Variants in PRKG1 observed in about 807,000 individuals in gnomAD.
PRKG1 encodes cGMP-dependent protein kinase 1.
PRKG1 carries 35 observed loss-of-function variants against 88.1 expected under a neutral mutation model. That is an observed-to-expected ratio of 0.40 (90% CI 0.30 to 0.53). The LOEUF (loss-of-function observed/expected upper bound fraction) is 0.53. Among genes scored for constraint, PRKG1 ranks in the 20% least tolerant of loss-of-function variants. The pLI is 0.59. For missense variants in PRKG1, 540 were observed against 839.8 expected (o/e 0.64, Z 4.41); for synonymous variants, 303 against 292.5 (o/e 1.04, Z -0.37).
At chr10:52,007,023 AC>A (rs1293191835) in intron 5 of PRKG1, among the ~76,000 whole-genome samples, 2 of 152,192 alleles carry the variant, frequency 1.3e-5, no homozygotes, top group Non-Finnish European at 2.9e-5. Flanking sequence ...GTCCAACCAA[AC>A]TAAACTTCAT....
chr10:51,307,844 A>G (rs992046250), intron 2 of PRKG1, among the ~76,000 whole-genome samples: 2 of 152,174 alleles, frequency 1.3e-5, no homozygotes, highest in Admixed American at 1.3e-4. Flanking sequence ...TTAAGAGCAG[A>G]TTAATATAGC....
chr10:52,176,690 C>T (rs750579831), intron 9 of PRKG1, among the ~76,000 whole-genome samples: 1 of 152,028 alleles, frequency 6.6e-6, no homozygotes, highest in African/African-American at 2.4e-5. Flanking sequence ...CAGTTTTTTT[C>T]ATCAGTGCTT....
At chr10:52,195,490 C>T (rs1160555628) in intron 9 of PRKG1, among the ~76,000 whole-genome samples, 2 of 152,108 alleles carry the variant, frequency 1.3e-5, no homozygotes, top group Non-Finnish European at 2.9e-5. Flanking sequence ...GTCTAAACTT[C>T]TTGATCTTCT....
chr10:51,572,383 G>A lies in PRKG1; in HGVS notation c.592+104547G>A, dbSNP rs547513293. ...AGTGGCTTTTGATATTTTACAAGGT[G>A]CACTGTATAAATTTAATACCACCCA... On this transcript the variant is annotated intron_variant, in intron 3 of 17. Coordinates refer to ENST00000373980, the MANE Select transcript of PRKG1 (RefSeq NM_006258.4). Among the ~76,000 whole-genome samples, 5 of 151,792 alleles carry A rather than the reference G, an allele frequency of 3.3e-5. No individual in the cohort carries two copies. In the Admixed American group the frequency reaches 3.3e-4, roughly 10 times the overall value.
At chr10:52,204,108 T>TTTG (rs68132337) in intron 9 of PRKG1, among the ~76,000 whole-genome samples, 1 of 149,176 alleles carries the variant, frequency 6.7e-6, no homozygotes, top group African/African-American at 2.5e-5. Flanking sequence ...TTATTATTAT[T>TTTG]TTTTGTTTTT....
intron 5 of PRKG1, among the ~76,000 whole-genome samples, chr10:52,001,425 T>C (rs910510288): frequency 2.6e-5 from 4 of 151,968 alleles, no homozygotes; most frequent in African/African-American, 7.2e-5. Flanking sequence ...TGGTAATCAT[T>C]TTACAATGTA....
intron 9 of PRKG1, among the ~76,000 whole-genome samples, chr10:52,223,709 C>A (rs79926301): frequency 0.039 from 5,965 of 152,194 alleles, 160 homozygotes; most frequent in Middle Eastern, 0.11. Flanking sequence ...TACACATCAC[C>A]CTAAAATATC....
intron 3 of PRKG1, among the ~76,000 whole-genome samples, chr10:51,670,688 A>C (rs954330905): frequency 1.3e-5 from 2 of 148,670 alleles, no homozygotes; most frequent in African/African-American, 4.9e-5. Flanking sequence ...GTGAGCCGAG[A>C]TCCCGCCACT....
chr10:51,828,042 A>G (rs1413924365), intron 4 of PRKG1, among the ~76,000 whole-genome samples: 2 of 152,172 alleles, frequency 1.3e-5, no homozygotes, highest in Admixed American at 6.6e-5. Flanking sequence ...TTATTGGAAA[A>G]GTCAGTAATG....
At chr10:51,720,134 T>C (rs531864480) in intron 3 of PRKG1, among the ~76,000 whole-genome samples, 26 of 152,304 alleles carry the variant, frequency 1.7e-4, no homozygotes, top group African/African-American at 5.3e-4. Context: ...AATACAGATA[T>C]AGTCATGTCA....
intron 2 of PRKG1, among the ~76,000 whole-genome samples, chr10:51,279,970 G>T (rs1320167235): frequency 6.6e-6 from 1 of 152,176 alleles, no homozygotes; most frequent in Non-Finnish European, 1.5e-5. Context: ...TCCTAGCATC[G>T]ATGGCCTTTA....
At chr10:51,117,120 A>G (rs925029545) in intron 1 of PRKG1, among the ~76,000 whole-genome samples, 1 of 152,220 alleles carries the variant, frequency 6.6e-6, no homozygotes, top group Non-Finnish European at 1.5e-5. Flanking sequence ...TGTAATGAAC[A>G]TGGAAATGCT....
chr10:51,699,277 A>G, intron 3 of PRKG1: 1 of 1,613,940 alleles, frequency 6.2e-7, no homozygotes, highest in Non-Finnish European at 8.5e-7. Context: ...CACTGGCAGC[A>G]TTGTCCACCC....
intron 5 of PRKG1, among the ~76,000 whole-genome samples, chr10:52,042,072 A>AACAGAAGTC (rs1845766510): frequency 6.6e-6 from 1 of 152,144 alleles, no homozygotes; most frequent in Non-Finnish European, 1.5e-5. Context: ...GAACAGAAGT[A>AACAGAAGTC]AACAGAAGGA....
intron 5 of PRKG1, among the ~76,000 whole-genome samples, chr10:51,983,854 C>T (rs1003249042): frequency 5.3e-5 from 8 of 152,190 alleles, no homozygotes; most frequent in African/African-American, 1.2e-4. Context: ...TGTTGGGGGT[C>T]AGGAACAAGT....
chr10:51,153,748 G>C (rs1469841004), intron 2 of PRKG1, among the ~76,000 whole-genome samples: 3 of 151,886 alleles, frequency 2.0e-5, no homozygotes, highest in Admixed American at 6.6e-5. Context: ...CTGCTATGAA[G>C]CTTCTGTAAA....
chr10:52,055,146 G>T (rs1390972106), intron 6 of PRKG1, among the ~76,000 whole-genome samples: 2 of 152,112 alleles, frequency 1.3e-5, no homozygotes, highest in African/African-American at 4.8e-5. Context: ...CAAAAAAAGA[G>T]AAAGTAAATA....
rs994594911 is a variant in PRKG1 at position 51,287,169 on chromosome 10, G to A, written c.478+133839G>A. 6.6e-5 allele frequency among the ~76,000 whole-genome samples: 10 copies of A among 152,256 alleles called. No homozygotes were observed. The South Asian group carries it at 1.0e-3, about 16-fold the overall frequency. ...TGGTATTACACGTATAAGCCACTGC[G>A]CCTGGCCCTATTTACATAGCCTTAC... On this transcript the variant is annotated intron_variant, in intron 2 of 17. Coordinates refer to ENST00000373980, the MANE Select transcript of PRKG1 (RefSeq NM_006258.4).
intron 8 of PRKG1, among the ~76,000 whole-genome samples, chr10:52,135,113 A>G (rs1837372057): frequency 6.6e-6 from 1 of 152,124 alleles, no homozygotes; most frequent in Non-Finnish European, 1.5e-5. Context: ...TACAAGGCAA[A>G]AAAAATGAGT....
Sources: allele counts gnomAD v4.1 joint callset (sites outside exome capture counted in the v4.1 genomes callset), GRCh38; gene constraint gnomAD v4.1.1; transcripts MANE v1.5; gene names NCBI Gene and HGNC (gene_info 2026-07-23, HGNC 2026-07-21).